The following CDK14 variants were observed in gnomAD, a reference collection of about 807,000 sequenced individuals.
The protein encoded by CDK14 is cyclin-dependent kinase 14.
A neutral mutation model predicts 60.7 loss-of-function variants in CDK14; 34 were observed. The ratio of observed to expected loss-of-function variants is 0.56; its 90% CI spans 0.43 to 0.75. The LOEUF is 0.75. CDK14 is among the 30% of genes least tolerant of loss of function. The pLI, the probability that CDK14 is intolerant of heterozygous loss-of-function variation, is 0.00. For synonymous variants in CDK14, 197 were observed against 203.7 expected, an observed-to-expected ratio of 0.97 and a Z score of 0.28; for missense variants, 482 against 564.1, an observed-to-expected ratio of 0.85 and a Z score of 1.47.
At chr7:90,726,346 G>A (rs1164419450) in intron 2 of CDK14, 1 of 969,064 alleles carries the variant, frequency 1.0e-6, no homozygotes, top group Non-Finnish European at 1.2e-6. Context: ...TTTAGAGGTA[G>A]ATTTTTTAGT....
chr7:90,999,412 C>G (rs1277593630), intron 10 of CDK14, among the ~76,000 whole-genome samples: 7 of 124,612 alleles, frequency 5.6e-5, no homozygotes, highest in African/African-American at 2.1e-4. Context: ...CATGGTGAAA[C>G]CCCGTCTCTA....
Position 90,709,561 on chromosome 7 carries a change from G to T in CDK14, c.124-17006G>T, listed in dbSNP as rs16867927. The T allele has an allele frequency of 1.3e-3, 2,172 of 1,613,220 alleles. 28 individuals are homozygous for T. In the African/African-American group the frequency reaches 0.024, roughly 18 times the overall value. On this transcript the variant is annotated intron_variant, in intron 2 of 14. Transcript: ENST00000380050. ...CAGCATATGCACGGTTACTTTGGCT[G>T]CAATGCTGCTGCAGAGCCCGGTTAC...
chr7:90,629,217 A>G (rs1160585792), intron 2 of CDK14, among the ~76,000 whole-genome samples: 6 of 152,148 alleles, frequency 3.9e-5, no homozygotes, highest in African/African-American at 7.2e-5. Context: ...TTATGTCTCC[A>G]AGTTAATAAA....
intron 2 of CDK14, among the ~76,000 whole-genome samples, chr7:90,647,427 A>G (rs774402014): frequency 6.6e-6 from 1 of 152,022 alleles, no homozygotes; most frequent in Non-Finnish European, 1.5e-5. Flanking sequence ...TCTTATTTCT[A>G]ATTATTAAAA....
At chr7:90,810,110 A>T (rs1056456550) in intron 5 of CDK14, among the ~76,000 whole-genome samples, 2 of 152,198 alleles carry the variant, frequency 1.3e-5, no homozygotes, top group Non-Finnish European at 2.9e-5. Context: ...ATCCTCCTTA[A>T]CTCATTTTAT....
intron 7 of CDK14, among the ~76,000 whole-genome samples, chr7:90,908,091 GT>G (rs1446881715): frequency 3.9e-5 from 6 of 151,992 alleles, no homozygotes; most frequent in African/African-American, 1.4e-4. Flanking sequence ...TTGACACCAA[GT>G]CTCAGTGTCT....
chr7:90,602,588 T>C (rs1214287858), intron 1 of CDK14, among the ~76,000 whole-genome samples: 1 of 152,216 alleles, frequency 6.6e-6, no homozygotes, highest in Non-Finnish European at 1.5e-5. Context: ...ATGCAGTCAT[T>C]AGGAATTAGC....
At chr7:90,864,505 A>G (rs1316949002) in intron 6 of CDK14, among the ~76,000 whole-genome samples, 2 of 152,112 alleles carry the variant, frequency 1.3e-5, no homozygotes, top group African/African-American at 4.8e-5. Flanking sequence ...CTTGACTTTT[A>G]CAGTGTTTTG....
intron 12 of CDK14, among the ~76,000 whole-genome samples, chr7:91,084,163 T>G (rs1329732644): frequency 6.6e-6 from 1 of 152,202 alleles, no homozygotes; most frequent in Non-Finnish European, 1.5e-5. Context: ...TGTACTCCAG[T>G]GAATCTTATG....
intron 7 of CDK14, among the ~76,000 whole-genome samples, chr7:90,913,884 G>A (rs1392468437): frequency 1.3e-5 from 2 of 152,112 alleles, no homozygotes; most frequent in Non-Finnish European, 2.9e-5. Context: ...GTTGAGAGAC[G>A]GGGCAGAGAC....
intron 4 of CDK14, among the ~76,000 whole-genome samples, chr7:90,762,776 A>G (rs1454284801): frequency 3.3e-5 from 5 of 152,138 alleles, no homozygotes; most frequent in Non-Finnish European, 7.4e-5. Context: ...ACTTGAGATC[A>G]GGAGTTTGAG....
At chr7:90,912,034 A>G (rs1017158257) in intron 7 of CDK14, among the ~76,000 whole-genome samples, 3 of 152,106 alleles carry the variant, frequency 2.0e-5, no homozygotes, top group East Asian at 1.9e-4. Flanking sequence ...ATTTAAGACA[A>G]TTTCTCATTG....
chr7:91,021,813 T>C (rs1413811140), intron 10 of CDK14, among the ~76,000 whole-genome samples: 1 of 152,172 alleles, frequency 6.6e-6, no homozygotes, highest in Non-Finnish European at 1.5e-5. Flanking sequence ...CCTCCTAAAT[T>C]AATTGAAGCC....
chr7:90,868,746 G>A (rs1791274774), intron 6 of CDK14, among the ~76,000 whole-genome samples: 1 of 152,174 alleles, frequency 6.6e-6, no homozygotes, highest in African/African-American at 2.4e-5. Flanking sequence ...AGCTCTTTGA[G>A]TTGTAGGTAG....
intron 14 of CDK14, among the ~76,000 whole-genome samples, chr7:91,119,046 T>C (rs532673353): frequency 2.0e-5 from 3 of 150,482 alleles, no homozygotes; most frequent in African/African-American, 7.3e-5. Context: ...TATATATATA[T>C]ACATACATAC....
intron 8 of CDK14, among the ~76,000 whole-genome samples, chr7:90,936,657 C>A (rs1186562916): frequency 7.2e-5 from 11 of 152,114 alleles, no homozygotes; most frequent in African/African-American, 2.4e-4. Flanking sequence ...CCTTTTGATT[C>A]TGAAACCTCA....
chr7:90,648,961 G>A (rs1365969019), intron 2 of CDK14, among the ~76,000 whole-genome samples: 1 of 152,122 alleles, frequency 6.6e-6, no homozygotes, highest in African/African-American at 2.4e-5. Context: ...TCTCAGTTGA[G>A]GGACTTGAAA....
intron 4 of CDK14, among the ~76,000 whole-genome samples, chr7:90,757,854 C>T (rs1007339980): frequency 6.6e-6 from 1 of 152,148 alleles, no homozygotes; most frequent in African/African-American, 2.4e-5. Flanking sequence ...CCACCCACCT[C>T]GGCTTCCCAA....
At chr7:91,135,572 A>C (rs907305693) in intron 14 of CDK14, among the ~76,000 whole-genome samples, 1 of 152,166 alleles carries the variant, frequency 6.6e-6, no homozygotes, top group African/African-American at 2.4e-5. Flanking sequence ...AGAGGGTTTA[A>C]TCCAAAGAGG....
Sources: gnomAD v4.1 joint callset for allele counts (sites outside exome capture counted in the v4.1 genomes callset) on GRCh38, gnomAD v4.1.1 for gene constraint, MANE v1.5 for transcripts, NCBI Gene and HGNC (gene_info 2026-07-23, HGNC 2026-07-21) for gene names.